The following KIAA1217 variants were observed in gnomAD, a reference collection of about 807,000 sequenced individuals.
The protein encoded by KIAA1217 is sickle tail protein homolog.
In KIAA1217, 88 loss-of-function variants were observed where a neutral mutation model predicts 163.9. The ratio of observed to expected loss-of-function variants is 0.54; its 90% CI spans 0.45 to 0.64. The LOEUF (loss-of-function observed/expected upper bound fraction) is 0.64. Among genes scored for constraint, KIAA1217 ranks in the 30% least tolerant of loss-of-function variants. KIAA1217 has a pLI of 0.00. For synonymous variants in KIAA1217, 903 were observed against 923.1 expected (o/e 0.98, Z 0.39); for missense variants, 2,372 against 2,475.0 (o/e 0.96, Z 0.88).
At chr10:24,540,552 A>G (rs1039500437) in intron 17 of KIAA1217, among the ~76,000 whole-genome samples, 2 of 152,068 alleles carry the variant, frequency 1.3e-5, no homozygotes, top group Non-Finnish European at 2.9e-5. Flanking sequence ...AATGATGGGA[A>G]TGGCACAGGC....
chr10:23,855,675 A>G (rs1014357795), intron 1 of KIAA1217, among the ~76,000 whole-genome samples: 1 of 152,100 alleles, frequency 6.6e-6, no homozygotes, highest in African/African-American at 2.4e-5. Flanking sequence ...TCGTCTTTTC[A>G]TGTAGTCCCA....
At chr10:24,409,781 T>C (rs2057571111) in intron 3 of KIAA1217, among the ~76,000 whole-genome samples, 1 of 152,092 alleles carries the variant, frequency 6.6e-6, no homozygotes, top group African/African-American at 2.4e-5. Context: ...GAGTCCACTC[T>C]ATCATTCTTA....
Position 24,456,705 on chromosome 10 carries a change from CT to C in KIAA1217, c.847-16508del, listed in dbSNP as rs755613792. ...TACTGATTGATGAGGAGGATTAAAC[CT>C]TTTTTTTTTTTTTTGAGACAGAGTC... is the stretch of plus-strand genomic sequence containing the variant. On this transcript the variant is annotated intron_variant, in intron 5 of 20. Coordinates refer to ENST00000376454, the MANE Select transcript of KIAA1217 (RefSeq NM_019590.5). Among the ~76,000 whole-genome samples the C allele has an allele frequency of 8.7e-3, 1,227 of 140,976 alleles. 9 individuals carry two copies. The highest frequency in any genetic ancestry group is 0.013 in the Non-Finnish European group (810 of 64,532). 92.5% of individuals were successfully genotyped at this position (140,976 alleles called of 152,430 possible).
chr10:24,400,125 A>G (rs1349594693), intron 3 of KIAA1217, among the ~76,000 whole-genome samples: 1 of 152,228 alleles, frequency 6.6e-6, no homozygotes, highest in Non-Finnish European at 1.5e-5. Flanking sequence ...TAGAACTCTA[A>G]TCACATCCCA....
intron 3 of KIAA1217, among the ~76,000 whole-genome samples, chr10:24,404,288 G>A (rs991448827): frequency 2.0e-5 from 3 of 152,122 alleles, no homozygotes; most frequent in Non-Finnish European, 2.9e-5. Flanking sequence ...CTAAAAGTGG[G>A]CCGGGTGCGG....
At chr10:24,224,027 A>G (rs756387982) in intron 2 of KIAA1217, among the ~76,000 whole-genome samples, 35 of 152,178 alleles carry the variant, frequency 2.3e-4, no homozygotes, top group Non-Finnish European at 4.6e-4. Flanking sequence ...TTTAAAAAAT[A>G]TGTTGGTCAA....
chr10:24,320,562 C>T (rs1590935419), intron 2 of KIAA1217, among the ~76,000 whole-genome samples: 2 of 152,346 alleles, frequency 1.3e-5, no homozygotes, highest in South Asian at 4.1e-4. Context: ...GTGTTCATAG[C>T]ACCACAGCAC....
chr10:23,749,860 A>G (rs1839639687), intron 1 of KIAA1217, among the ~76,000 whole-genome samples: 2 of 152,152 alleles, frequency 1.3e-5, no homozygotes, highest in African/African-American at 4.8e-5. Flanking sequence ...CTATGTGCTG[A>G]TTGTACAAAA....
intron 1 of KIAA1217, among the ~76,000 whole-genome samples, chr10:23,910,216 G>A (rs1842370015): frequency 6.6e-6 from 1 of 151,848 alleles, no homozygotes; most frequent in Non-Finnish European, 1.5e-5. Flanking sequence ...GTTGATGGGT[G>A]CAACAAACTA....
intron 2 of KIAA1217, among the ~76,000 whole-genome samples, chr10:24,284,742 T>C (rs373690189): frequency 9.2e-5 from 14 of 152,216 alleles, no homozygotes; most frequent in East Asian, 7.7e-4. Context: ...TTATTTTCTT[T>C]TGGGTATATA....
chr10:24,295,103 A>G (rs2040433069), intron 2 of KIAA1217, among the ~76,000 whole-genome samples: 1 of 152,216 alleles, frequency 6.6e-6, no homozygotes, highest in South Asian at 2.1e-4. Context: ...CAGTGAGGCT[A>G]AGACCTCCTC....
At chr10:24,339,967 T>C (rs953023996) in intron 2 of KIAA1217, among the ~76,000 whole-genome samples, 4 of 152,168 alleles carry the variant, frequency 2.6e-5, no homozygotes, top group African/African-American at 9.7e-5. Flanking sequence ...GGTTAGTAAA[T>C]ACAGCGAATT....
intron 2 of KIAA1217, among the ~76,000 whole-genome samples, chr10:24,187,640 C>T (rs1320402050): frequency 6.6e-6 from 1 of 152,156 alleles, no homozygotes; most frequent in Non-Finnish European, 1.5e-5. Context: ...CCTATAATCC[C>T]AGCACTTTGG....
rs35622932 is a variant in KIAA1217 at position 24,276,608 on chromosome 10, C to CTTT, written c.354+56714_354+56716dup. 2.1e-3 allele frequency among the ~76,000 whole-genome samples: 289 copies of CTTT among 138,090 alleles called. 8 individuals carry two copies. Among genetic ancestry groups the CTTT allele is most frequent in the African/African-American group, 7.7e-3 (281 of 36,342 alleles). 90.6% of individuals were successfully genotyped at this position (138,090 alleles called of 152,430 possible). A position where few individuals can be genotyped will look rare whatever the true frequency, so the allele number is the denominator to read the frequency against. On this transcript the variant is annotated intron_variant, in intron 2 of 20. Transcript: ENST00000376454. The stretch of plus-strand genomic sequence containing the variant: ...TACTGGCACATGCCATCAAGTCCAG[C>CTTT]TTTTTTTTTTTTTTTTTCTGAGATG...
At chr10:23,943,271 C>T (rs547747122) in intron 1 of KIAA1217, among the ~76,000 whole-genome samples, 5 of 152,216 alleles carry the variant, frequency 3.3e-5, no homozygotes, top group African/African-American at 1.2e-4. Context: ...ATGTACAAAA[C>T]AACTACTAGA....
At chr10:24,124,981 G>A (rs1341018458) in intron 2 of KIAA1217, among the ~76,000 whole-genome samples, 3 of 152,054 alleles carry the variant, frequency 2.0e-5, no homozygotes, top group Admixed American at 6.6e-5. Context: ...TAGAAAGCTG[G>A]TAGATTTGTT....
chr10:23,938,537 C>A (rs1258089633), intron 1 of KIAA1217, among the ~76,000 whole-genome samples: 2 of 151,700 alleles, frequency 1.3e-5, no homozygotes, highest in Non-Finnish European at 1.5e-5. Flanking sequence ...TAAAAAGATA[C>A]AAATTTTAAA....
chr10:23,876,588 A>T (rs556469285), intron 1 of KIAA1217, among the ~76,000 whole-genome samples: 1 of 151,926 alleles, frequency 6.6e-6, no homozygotes, highest in African/African-American at 2.4e-5. Context: ...TTCAGGGTCA[A>T]TTTTACTGGG....
Position 24,283,969 on chromosome 10 carries a change from G to T in KIAA1217, c.354+64060G>T, listed in dbSNP as rs748798550. ...CTGTCACCCAGGCTGGAGTGCATTG[G>T]TGCGATCTCAGCTCACTGCAGCCTC... is the stretch of plus-strand genomic sequence containing the variant. On this transcript the variant is annotated intron_variant, in intron 2 of 20. Transcript: ENST00000376454. 7.3e-4 allele frequency among the ~76,000 whole-genome samples: 110 copies of T among 151,462 alleles called. No homozygotes were observed. In the Middle Eastern group the frequency reaches 0.01, roughly 14 times the overall value.
Sources: gnomAD v4.1 joint callset for allele counts (sites outside exome capture counted in the v4.1 genomes callset) on GRCh38, gnomAD v4.1.1 for gene constraint, MANE v1.5 for transcripts, NCBI Gene and HGNC (gene_info 2026-07-23, HGNC 2026-07-21) for gene names.